The following RALGPS1 variants were observed in gnomAD, a reference collection of about 807,000 sequenced individuals.
RALGPS1 encodes the protein Ral GEF with PH domain and SH3 binding motif 1.
RALGPS1 carries 19 observed loss-of-function variants against 78.8 expected under a neutral mutation model. The ratio of observed to expected loss-of-function variants is 0.24; its 90% CI spans 0.17 to 0.35. RALGPS1 has a LOEUF of 0.35. RALGPS1 is among the 10% of genes least tolerant of loss of function. RALGPS1 has a pLI of 1.00. For missense variants in RALGPS1, 454 were observed against 688.3 expected, an observed-to-expected ratio of 0.66 and a Z score of 3.81; for synonymous variants, 228 against 256.3, an observed-to-expected ratio of 0.89 and a Z score of 1.06.
chr9:127,175,279 A>G (rs2059796024), intron 11 of RALGPS1, among the ~76,000 whole-genome samples: 1 of 152,138 alleles, frequency 6.6e-6, no homozygotes, highest in Admixed American at 6.5e-5. Context: ...GTCAAGCCCG[A>G]GCTCCGCTGT....
At chr9:126,951,731 C>G (rs1482117994) in intron 1 of RALGPS1, among the ~76,000 whole-genome samples, 1 of 152,210 alleles carries the variant, frequency 6.6e-6, no homozygotes, top group African/African-American at 2.4e-5. Flanking sequence ...GGGTAAAAAA[C>G]TGGAAGCATT....
At chr9:127,184,524 C>T (rs1359330040) in intron 11 of RALGPS1, among the ~76,000 whole-genome samples, 1 of 152,176 alleles carries the variant, frequency 6.6e-6, no homozygotes, top group African/African-American at 2.4e-5. Context: ...GCCCCAGTGT[C>T]CTGGAGAGCC....
chr9:127,089,685 T>C (rs2136344280), intron 8 of RALGPS1, among the ~76,000 whole-genome samples: 1 of 152,358 alleles, frequency 6.6e-6, no homozygotes, highest in Non-Finnish European at 1.5e-5. Flanking sequence ...ATCCAAACAA[T>C]TTTTTGTATT....
chr9:127,019,235 C>T (rs1159367453), intron 4 of RALGPS1, among the ~76,000 whole-genome samples: 1 of 152,158 alleles, frequency 6.6e-6, no homozygotes, highest in Non-Finnish European at 1.5e-5. Context: ...CTCTGTGGTT[C>T]AGATAAGAAA....
At chr9:127,073,486 G>GTGTGTGTGTGTGTGTGTGTATA (rs1194404856) in intron 8 of RALGPS1, among the ~76,000 whole-genome samples, 1 of 151,780 alleles carries the variant, frequency 6.6e-6, no homozygotes, top group Non-Finnish European at 1.5e-5. Context: ...GTGTGTGTGT[G>GTGTGTGTGTGTGTGTGTGTATA]TATAATATTT....
chr9:127,032,440 C>T (rs2046511711), intron 4 of RALGPS1, among the ~76,000 whole-genome samples: 1 of 152,124 alleles, frequency 6.6e-6, no homozygotes, highest in Non-Finnish European at 1.5e-5. Context: ...ACAAAGGGAG[C>T]AATTATCAGC....
At chr9:126,962,139 C>G (rs2038948363) in intron 1 of RALGPS1, 86 bp from the exon 2 acceptor site, 1 of 689,728 alleles carries the variant, frequency 1.4e-6, no homozygotes, top group African/African-American at 1.8e-5. Flanking sequence ...CTGAGATGAT[C>G]TGCTCAAGTC....
At chr9:127,154,403 A>G (rs937567477) in intron 8 of RALGPS1, among the ~76,000 whole-genome samples, 1 of 152,214 alleles carries the variant, frequency 6.6e-6, no homozygotes, top group Admixed American at 6.5e-5. Context: ...ACATCCTCTC[A>G]TCTCCGTTGA....
chr9:127,134,467 A>G (rs1483580413), intron 8 of RALGPS1, among the ~76,000 whole-genome samples: 5 of 152,184 alleles, frequency 3.3e-5, no homozygotes, highest in Admixed American at 6.5e-5. Flanking sequence ...TTTTGAAAAA[A>G]TCTATCAGTA....
At chr9:126,955,802 T>C (rs1271061180) in intron 1 of RALGPS1, among the ~76,000 whole-genome samples, 6 of 152,150 alleles carry the variant, frequency 3.9e-5, no homozygotes, top group African/African-American at 1.4e-4. Context: ...GAATGAATAG[T>C]GTGTGTCTTC....
intron 1 of RALGPS1, among the ~76,000 whole-genome samples, chr9:126,960,512 G>A (rs370311468): frequency 4.6e-5 from 7 of 152,142 alleles, no homozygotes; most frequent in East Asian, 1.9e-4. Context: ...GGGATTACAG[G>A]TGTGAGCCAC....
At chr9:127,132,437 T>C (rs894380750) in intron 8 of RALGPS1, among the ~76,000 whole-genome samples, 5 of 152,250 alleles carry the variant, frequency 3.3e-5, no homozygotes, top group Non-Finnish European at 7.3e-5. Flanking sequence ...CTAGGTATAC[T>C]TCTGCTTCGC....
intron 7 of RALGPS1, among the ~76,000 whole-genome samples, chr9:127,068,028 T>C (rs1026025794): frequency 6.6e-6 from 1 of 152,200 alleles, no homozygotes; most frequent in African/African-American, 2.4e-5. Context: ...TCCTTTCTTT[T>C]GAGAAGGCTT....
At position 127,183,924 on chromosome 9, in the gene RALGPS1, C is replaced by A. The variant is rs1354437850; in HGVS notation, c.910+9142C>A. 1.3e-6 allele frequency: 2 copies of A among 1,550,408 alleles called. No homozygotes were observed. Among genetic ancestry groups the A allele is most frequent in the East Asian group, 4.9e-5 (2 of 40,862 alleles). On this transcript the variant is annotated intron_variant, in intron 11 of 18. Transcript: ENST00000259351. This position sits in a 1 kb window ranked among gnomAD's most constrained non-coding sequence, Gnocchi z 4.0. ...CAAGCAGAAGAGGCAAGACTCAAACCCACCTCTGGCCAACACCCTGCCTGG... is the reference window on the plus strand; with the variant it reads ...CAAGCAGAAGAGGCAAGACTCAAACACACCTCTGGCCAACACCCTGCCTGG...
At chr9:127,017,713 A>G (rs907562789) in intron 4 of RALGPS1, among the ~76,000 whole-genome samples, 3 of 152,204 alleles carry the variant, frequency 2.0e-5, no homozygotes, top group Non-Finnish European at 4.4e-5. Context: ...CTTTTTTAAT[A>G]TCCTTATTCT....
At chr9:127,188,171 C>T (rs1300447753) in intron 11 of RALGPS1, among the ~76,000 whole-genome samples, 7 of 149,870 alleles carry the variant, frequency 4.7e-5, no homozygotes, top group South Asian at 4.3e-4. Flanking sequence ...AAGTGATTCT[C>T]CTGCCTCAGC....
At chr9:127,151,968 C>T (rs1431435597) in intron 8 of RALGPS1, among the ~76,000 whole-genome samples, 1 of 152,214 alleles carries the variant, frequency 6.6e-6, no homozygotes, top group Non-Finnish European at 1.5e-5. Context: ...CCCACCACAT[C>T]CATGATGCAA....
intron 1 of RALGPS1, among the ~76,000 whole-genome samples, chr9:126,938,583 C>G (rs2036477657): frequency 6.6e-6 from 1 of 151,940 alleles, no homozygotes; most frequent in Non-Finnish European, 1.5e-5. Flanking sequence ...GGAGGGCGTA[C>G]AAGGAAGGGT....
At chr9:127,181,412 G>A (rs1169975823) in intron 11 of RALGPS1, among the ~76,000 whole-genome samples, 3 of 152,116 alleles carry the variant, frequency 2.0e-5, no homozygotes, top group Non-Finnish European at 4.4e-5. Context: ...AGGTGCTCGC[G>A]CAGCCTCATG....
Sources: gnomAD v4.1 joint callset for allele counts (sites outside exome capture counted in the v4.1 genomes callset) on GRCh38, gnomAD v4.1.1 for gene constraint, Gnocchi (gnomAD v3.1) non-coding constraint, MANE v1.5 for transcripts, NCBI Gene and HGNC (gene_info 2026-07-23, HGNC 2026-07-21) for gene names.